The following TSHZ2 variants were observed in gnomAD, a reference collection of about 807,000 sequenced individuals.
TSHZ2 encodes teashirt homolog 2.
A neutral mutation model predicts 74.4 loss-of-function variants in TSHZ2; 21 were observed. That is an observed-to-expected ratio of 0.28 (90% CI 0.20 to 0.41). The LOEUF is 0.41. Ranked by LOEUF, TSHZ2 falls within the 10% of genes least tolerant of loss-of-function variation. The pLI, the probability that TSHZ2 is intolerant of heterozygous loss-of-function variation, is 1.00. For synonymous variants in TSHZ2, 540 were observed against 515.3 expected (o/e 1.05, Z -0.65); for missense variants, 1,244 against 1,293.5 (o/e 0.96, Z 0.59).
At chr20:53,188,688 TACAC>T (rs1988660709) in intron 1 of TSHZ2, among the ~76,000 whole-genome samples, 1 of 152,200 alleles carries the variant, frequency 6.6e-6, no homozygotes, top group Non-Finnish European at 1.5e-5. Context: ...AGCTCCATCT[TACAC>T]ACACATATAC....
intron 2 of TSHZ2, among the ~76,000 whole-genome samples, chr20:53,427,013 T>G (rs1304823237): frequency 6.6e-6 from 1 of 152,230 alleles, no homozygotes; most frequent in East Asian, 1.9e-4. Flanking sequence ...CGGGGTCAGA[T>G]CTTCACTTTC....
At chr20:53,101,642 C>T (rs1454527183) in intron 1 of TSHZ2, among the ~76,000 whole-genome samples, 1 of 152,154 alleles carries the variant, frequency 6.6e-6, no homozygotes, top group African/African-American at 2.4e-5. Context: ...CTTTCTTCCT[C>T]TTTTTTATTA....
intron 2 of TSHZ2, among the ~76,000 whole-genome samples, chr20:53,447,973 G>A (rs1317930067): frequency 2.6e-5 from 4 of 151,352 alleles, no homozygotes; most frequent in African/African-American, 2.4e-5. Context: ...GAGTGCAGAG[G>A]CGTGATCTCG....
intron 2 of TSHZ2, among the ~76,000 whole-genome samples, chr20:53,296,596 G>T (rs760539692): frequency 1.2e-4 from 18 of 152,086 alleles, no homozygotes; most frequent in Non-Finnish European, 2.2e-4. Context: ...CACAGTCTCT[G>T]GACTATCTTT....
chr20:53,473,907 G>A (rs1175147950), intron 2 of TSHZ2, among the ~76,000 whole-genome samples: 2 of 152,194 alleles, frequency 1.3e-5, no homozygotes, highest in Admixed American at 6.5e-5. Flanking sequence ...AAGGGTATCA[G>A]CGATGGAAGA....
At chr20:53,079,606 T>C (rs1480851476) in intron 1 of TSHZ2, among the ~76,000 whole-genome samples, 1 of 152,208 alleles carries the variant, frequency 6.6e-6, no homozygotes, top group African/African-American at 2.4e-5. Context: ...CCAGGCACTA[T>C]TTCAAACAGC....
rs533353760 is a variant in TSHZ2, at chr20:53,284,069, T to A, written c.*8+27498T>A. ...GCTCTTTGTCAAGTTCCTGACCAAATGCCCGGCAGGGGCTTTCTTCCTCTT... is the reference window on the plus strand; with the variant it reads ...GCTCTTTGTCAAGTTCCTGACCAAAAGCCCGGCAGGGGCTTTCTTCCTCTT... On this transcript the variant is annotated intron_variant, in intron 2 of 2. Coordinates refer to ENST00000371497, the MANE Select transcript of TSHZ2 (RefSeq NM_173485.6). Among the ~76,000 whole-genome samples, 3 of 152,356 alleles carry A rather than the reference T, an allele frequency of 2.0e-5. No individual in the cohort carries two copies. The South Asian group carries it at 6.2e-4, about 32-fold the overall frequency.
chr20:53,337,626 T>A (rs907144318), intron 2 of TSHZ2, among the ~76,000 whole-genome samples: 1 of 152,196 alleles, frequency 6.6e-6, no homozygotes, highest in African/African-American at 2.4e-5. Context: ...GAACATCTAA[T>A]GAGTACAAGA....
chr20:53,249,016 T>C (rs528399809), intron 1 of TSHZ2, among the ~76,000 whole-genome samples: 2 of 151,904 alleles, frequency 1.3e-5, no homozygotes, highest in African/African-American at 4.8e-5. Flanking sequence ...TTTCTTTTTT[T>C]TTTTAGTCGA....
chr20:53,352,245 T>C, intron 2 of TSHZ2, among the ~76,000 whole-genome samples: 1 of 145,678 alleles, frequency 6.9e-6, no homozygotes, highest in South Asian at 2.3e-4. Flanking sequence ...TTTTTTTTTT[T>C]TTTTTTTTTT....
chr20:53,425,503 G>T (rs959596962), intron 2 of TSHZ2, among the ~76,000 whole-genome samples: 1 of 152,170 alleles, frequency 6.6e-6, no homozygotes, highest in African/African-American at 2.4e-5. Flanking sequence ...GCGTCTTCAC[G>T]GGTGTATATT....
At chr20:53,061,403 AC>A (rs1984819126) in intron 1 of TSHZ2, among the ~76,000 whole-genome samples, 1 of 152,200 alleles carries the variant, frequency 6.6e-6, no homozygotes, top group South Asian at 2.1e-4. Flanking sequence ...TTGTCAAAAG[AC>A]ACCCTGAGTC....
At chr20:53,369,139 C>T (rs1423561950) in intron 2 of TSHZ2, among the ~76,000 whole-genome samples, 3 of 152,078 alleles carry the variant, frequency 2.0e-5, no homozygotes, top group Non-Finnish European at 4.4e-5. Flanking sequence ...GTGGTGCACA[C>T]CTGTAGTCCC....
intron 1 of TSHZ2, among the ~76,000 whole-genome samples, chr20:53,009,887 A>G (rs1251281477): frequency 1.3e-5 from 2 of 152,172 alleles, no homozygotes; most frequent in African/African-American, 4.8e-5. Context: ...AAAAAGACCT[A>G]CATTGGGAAC....
chr20:53,470,667 A>C (rs1343867673), intron 2 of TSHZ2, among the ~76,000 whole-genome samples: 1 of 152,138 alleles, frequency 6.6e-6, no homozygotes, highest in Admixed American at 6.5e-5. Flanking sequence ...TACAAAAATT[A>C]GTCAGGTGTG....
chr20:53,259,798 C>T (rs931179296), intron 2 of TSHZ2, among the ~76,000 whole-genome samples: 4 of 152,098 alleles, frequency 2.6e-5, no homozygotes, highest in African/African-American at 9.7e-5. Context: ...ATTGCATGGG[C>T]CATACTTATA....
At chr20:53,247,502 C>T (rs1398542811) in intron 1 of TSHZ2, among the ~76,000 whole-genome samples, 1 of 152,228 alleles carries the variant, frequency 6.6e-6, no homozygotes, top group Non-Finnish European at 1.5e-5. Flanking sequence ...TATCTCTTTA[C>T]TCAGCCTGCC....
chr20:53,060,668 C>T (rs370287712), intron 1 of TSHZ2, among the ~76,000 whole-genome samples: 3 of 152,098 alleles, frequency 2.0e-5, no homozygotes, highest in Non-Finnish European at 2.9e-5. Flanking sequence ...ATTATACTTA[C>T]GTAGTAAAAA....
intron 1 of TSHZ2, among the ~76,000 whole-genome samples, chr20:53,140,789 G>A (rs2123413775): frequency 6.6e-6 from 1 of 152,236 alleles, no homozygotes; most frequent in East Asian, 1.9e-4. Flanking sequence ...TCTGATCTGT[G>A]CATCACTCTG....
Sources: allele counts gnomAD v4.1 joint callset (sites outside exome capture counted in the v4.1 genomes callset), GRCh38; gene constraint gnomAD v4.1.1; transcripts MANE v1.5; gene names NCBI Gene and HGNC (gene_info 2026-07-23, HGNC 2026-07-21).